Variants in OSBPL8 observed in about 807,000 individuals in gnomAD.
The protein encoded by OSBPL8 is oxysterol-binding protein-related protein 8.
A neutral mutation model predicts 125.5 loss-of-function variants in OSBPL8; 59 were observed. The observed-to-expected ratio is 0.47, with a 90% CI of 0.38 to 0.58. The LOEUF (loss-of-function observed/expected upper bound fraction) is 0.58, where lower values mean the gene tolerates loss of function less well. Among genes scored for constraint, OSBPL8 ranks in the 20% least tolerant of loss-of-function variants. OSBPL8 has a pLI of 0.00. For missense variants in OSBPL8, 758 were observed against 1,047.8 expected, an observed-to-expected ratio of 0.72 and a Z score of 3.82; for synonymous variants, 330 against 338.9, an observed-to-expected ratio of 0.97 and a Z score of 0.29.
At chr12:76,399,318 C>G (rs1376886109) in intron 7 of OSBPL8, among the ~76,000 whole-genome samples, 1 of 151,954 alleles carries the variant, frequency 6.6e-6, no homozygotes, top group Non-Finnish European at 1.5e-5. Context: ...ATTCCTACAG[C>G]TGTCTTTCAG....
chr12:76,521,011 A>G (rs779978876), intron 1 of OSBPL8, among the ~76,000 whole-genome samples: 2 of 152,194 alleles, frequency 1.3e-5, no homozygotes, highest in Non-Finnish European at 2.9e-5. Context: ...AGAATAATGT[A>G]TCAGAAAGAG....
chr12:76,432,731 C>T (rs1032314663), intron 4 of OSBPL8, among the ~76,000 whole-genome samples: 9 of 151,834 alleles, frequency 5.9e-5, no homozygotes, highest in Non-Finnish European at 1.2e-4. Context: ...AAAAACAATA[C>T]AAAAAGGAGT....
chr12:76,481,668 T>C (rs1427918830), intron 2 of OSBPL8, among the ~76,000 whole-genome samples: 2 of 152,186 alleles, frequency 1.3e-5, no homozygotes, highest in Admixed American at 1.3e-4. Context: ...TGAATACTAT[T>C]GTTAGAAAGA....
At chr12:76,436,886 A>G (rs561608501) in intron 4 of OSBPL8, among the ~76,000 whole-genome samples, 1 of 152,176 alleles carries the variant, frequency 6.6e-6, no homozygotes, top group Admixed American at 6.5e-5. Context: ...GTTTTATCAC[A>G]TATCTATCCC....
At chr12:76,510,834 T>C (rs1043818024) in intron 1 of OSBPL8, among the ~76,000 whole-genome samples, 1 of 148,632 alleles carries the variant, frequency 6.7e-6, no homozygotes, top group African/African-American at 2.5e-5. Flanking sequence ...TGAGCCGAGA[T>C]CATGCCACTG....
At chr12:76,393,999 A>G (rs1953684333) in intron 9 of OSBPL8, among the ~76,000 whole-genome samples, 1 of 152,206 alleles carries the variant, frequency 6.6e-6, no homozygotes, top group South Asian at 2.1e-4. Context: ...CAGGCTGGCA[A>G]CAGAGCGAGA....
chr12:76,455,752 A>G (rs1035063605), intron 3 of OSBPL8, among the ~76,000 whole-genome samples: 4 of 152,216 alleles, frequency 2.6e-5, no homozygotes, highest in African/African-American at 7.2e-5. Context: ...CATCAGTTAC[A>G]TAATAGTAGA....
At chr12:76,435,410 T>C (rs1280047802) in intron 4 of OSBPL8, among the ~76,000 whole-genome samples, 2 of 151,890 alleles carry the variant, frequency 1.3e-5, no homozygotes, top group Non-Finnish European at 2.9e-5. Context: ...GTGGAGGAAA[T>C]GGGGAGATAT....
chr12:76,480,890 G>T (rs1157238924), intron 2 of OSBPL8, among the ~76,000 whole-genome samples: 1 of 152,214 alleles, frequency 6.6e-6, no homozygotes, highest in Non-Finnish European at 1.5e-5. Flanking sequence ...CTCTGCAGAT[G>T]TGATTAGGTT....
rs999471260 is a variant in OSBPL8, at chr12:76,378,690, T to A, written c.1631-140A>T. On this transcript the variant is annotated intron_variant, in intron 15 of 23. Coordinates refer to ENST00000261183, the MANE Select transcript of OSBPL8 (RefSeq NM_020841.5). ...CTCAATCTCAATGTGCCCAAACATG[T>A]ATTCATTACCTTATATCCAAAACAT... The A allele has an allele frequency of 4.9e-6, 3 of 614,094 alleles. No individual in the cohort carries two copies. The African/African-American group carries it at 5.6e-5, about 11-fold the overall frequency. 38.0% of individuals were successfully genotyped at this position (614,094 alleles called of 1,614,324 possible).
intron 2 of OSBPL8, among the ~76,000 whole-genome samples, chr12:76,470,325 G>A (rs1019931157): frequency 2.0e-5 from 3 of 152,058 alleles, no homozygotes; most frequent in Non-Finnish European, 2.9e-5. Context: ...TCTAAATCTG[G>A]CCTAACGAGC....
At chr12:76,417,820 CAAG>C (rs1868896351) in intron 4 of OSBPL8, among the ~76,000 whole-genome samples, 1 of 152,040 alleles carries the variant, frequency 6.6e-6, no homozygotes, top group Non-Finnish European at 1.5e-5. Flanking sequence ...CTCTAATATC[CAAG>C]AAGCCTTACC....
intron 1 of OSBPL8, among the ~76,000 whole-genome samples, chr12:76,514,361 C>T (rs1881324844): frequency 1.3e-5 from 2 of 151,806 alleles, no homozygotes; most frequent in African/African-American, 4.8e-5. Flanking sequence ...CCATATTGGC[C>T]AGGCTGGTCT....
chr12:76,378,128 T>C (rs994877574), intron 16 of OSBPL8, among the ~76,000 whole-genome samples: 1 of 152,104 alleles, frequency 6.6e-6, no homozygotes. Flanking sequence ...AAGATGAAAA[T>C]CATCTTTACA....
rs2136109027 is a variant in OSBPL8, at chr12:76,354,865, A to G, written c.*1024T>C. 1 of 152,190 alleles carries G rather than the reference A, an allele frequency of 6.6e-6. No individual in the cohort carries two copies. Among genetic ancestry groups the G allele is most frequent in the African/African-American group, 2.4e-5 (1 of 41,582 alleles). 9.4% of individuals were successfully genotyped at this position (152,190 alleles called of 1,614,324 possible). ...TTTACAGAAACCAATTTTAATGCAC[A>G]CATAAAGGCCACCACAAAGTGTCTT... On this transcript the variant is annotated 3_prime_UTR_variant, in exon 24 of 24. Coordinates refer to ENST00000261183, the MANE Select transcript of OSBPL8 (RefSeq NM_020841.5).
intron 15 of OSBPL8, among the ~76,000 whole-genome samples, chr12:76,382,189 T>C (rs1441421016): frequency 6.6e-6 from 1 of 152,220 alleles, no homozygotes; most frequent in African/African-American, 2.4e-5. Context: ...GTCTATCATT[T>C]TGCTATGTGT....
chr12:76,452,602 T>TA (rs1206696937), intron 3 of OSBPL8, among the ~76,000 whole-genome samples: 1 of 152,244 alleles, frequency 6.6e-6, no homozygotes, highest in Admixed American at 6.5e-5. Context: ...CTCTTTCTCT[T>TA]ACTGAGCAAT....
Position 76,369,362 on chromosome 12 carries a change from TTTCTA to T in OSBPL8, c.2241-66_2241-62del, listed in dbSNP as rs1952535939. On this transcript the variant is annotated intron_variant, in intron 20 of 23. Transcript: ENST00000261183. The stretch of plus-strand genomic sequence containing the variant: ...ATGACTAAACAAAGAACTTTAAAAC[TTTCTA>T]TTCTATGATCCAATTTTATTAATAA... The T allele has an allele frequency of 1.8e-5, 27 of 1,532,382 alleles. No individual in the cohort carries two copies. The South Asian group carries it at 2.7e-4, about 15-fold the overall frequency. The allele number at this position is 1,532,382 out of a possible 1,614,324, so 94.9% of individuals were successfully genotyped here. A position where few individuals can be genotyped will look rare whatever the true frequency, so the allele number is the denominator to read the frequency against.
intron 2 of OSBPL8, among the ~76,000 whole-genome samples, chr12:76,485,276 T>G (rs990067876): frequency 6.6e-6 from 1 of 151,898 alleles, no homozygotes; most frequent in African/African-American, 2.4e-5. Flanking sequence ...AAATTTGGAA[T>G]AGTAAATGAC....
Sources: allele counts gnomAD v4.1 joint callset (sites outside exome capture counted in the v4.1 genomes callset), GRCh38; gene constraint gnomAD v4.1.1; transcripts MANE v1.5; gene names NCBI Gene and HGNC (gene_info 2026-07-23, HGNC 2026-07-21).